The following CCDC88A variants were observed in gnomAD, a reference collection of about 807,000 sequenced individuals.
CCDC88A encodes the protein coiled-coil and HOOK domain protein 88A.
Under a neutral mutation model 234.3 loss-of-function variants are expected in CCDC88A, and 54 were observed. That is an observed-to-expected ratio of 0.23 (90% CI 0.19 to 0.29). The LOEUF is 0.29. CCDC88A is among the 10% of genes least tolerant of loss of function. The pLI, the probability that CCDC88A is intolerant of heterozygous loss-of-function variation, is 1.00. For synonymous variants in CCDC88A, 753 were observed against 737.8 expected (o/e 1.02, Z -0.33); for missense variants, 1,832 against 2,123.4 (o/e 0.86, Z 2.70).
intron 6 of CCDC88A, chr2:55,363,607 C>G (rs1050451233): frequency 1.1e-5 from 2 of 174,048 alleles, no homozygotes; most frequent in Non-Finnish European, 2.4e-5. Flanking sequence ...AGCTTGTCAT[C>G]TTACCTCACT....
At chr2:55,318,805 G>A (rs529971860) in intron 19 of CCDC88A, 38 bp downstream of exon 19, 2 of 1,476,560 alleles carry the variant, frequency 1.4e-6, no homozygotes, top group East Asian at 2.3e-5. Flanking sequence ...CATAATTCAA[G>A]AGTTTGGTTG....
intron 21 of CCDC88A, among the ~76,000 whole-genome samples, chr2:55,316,502 G>C (rs1034531410): frequency 2.0e-5 from 3 of 152,090 alleles, no homozygotes; most frequent in African/African-American, 7.2e-5. Context: ...GATCACTTGA[G>C]GCCAGGAGTT....
chr2:55,335,951 G>A lies in CCDC88A; in HGVS notation c.1656+730C>T, dbSNP rs529360387. Among the ~76,000 whole-genome samples the A allele has an allele frequency of 1.2e-4, 18 of 151,976 alleles. No individual in the cohort carries two copies. The highest frequency in any genetic ancestry group is 1.8e-4 in the Non-Finnish European group (12 of 67,988). On this transcript the variant is annotated intron_variant, in intron 14 of 32. Coordinates refer to ENST00000436346, the MANE Select transcript of CCDC88A (RefSeq NM_001365480.1). The surrounding 1 kb of genome is among the most constrained non-coding windows in gnomAD (Gnocchi z 4.5). The stretch of plus-strand genomic sequence containing the variant: ...CTGGCACCTATAATCCTAGCACTTC[G>A]GGAGGCTGAGGCAGGAATATCACTT...
intron 3 of CCDC88A, among the ~76,000 whole-genome samples, chr2:55,383,081 A>T (rs1264679230): frequency 6.6e-6 from 1 of 152,018 alleles, no homozygotes; most frequent in South Asian, 2.1e-4. Context: ...ATGAAAAAAA[A>T]AAAAAACAAA....
chr2:55,316,169 A>G (rs1177768894), intron 21 of CCDC88A, 55 bp from the exon 22 acceptor site: 1 of 681,828 alleles, frequency 1.5e-6, no homozygotes, highest in Admixed American at 3.7e-5. Context: ...CTTTTGGTGT[A>G]ATTTATACAA....
chr2:55,302,466 T>C (rs1004434382), intron 26 of CCDC88A, among the ~76,000 whole-genome samples: 1 of 152,120 alleles, frequency 6.6e-6, no homozygotes, highest in Admixed American at 6.6e-5. Flanking sequence ...TTATTGAAAA[T>C]GAAAGTCCTT....
At position 55,310,584 on chromosome 2, in the gene CCDC88A, A is replaced by G. The variant is rs76641927; in HGVS notation, c.4080-1330T>C. Among the ~76,000 whole-genome samples the G allele has an allele frequency of 5.9e-4, 90 of 152,286 alleles. 1 individual carries two copies. The East Asian group carries it at 0.017, about 28-fold the overall frequency. On this transcript the variant is annotated intron_variant, in intron 23 of 32. Coordinates refer to ENST00000436346, the MANE Select transcript of CCDC88A (RefSeq NM_001365480.1). ...TGACAGAGCAAGACTGAAAAGAAAA[A>G]AAAAAAAGATTGGAGATAAGAAAAC...
intron 8 of CCDC88A, among the ~76,000 whole-genome samples, chr2:55,351,570 T>C (rs1669890810): frequency 6.6e-6 from 1 of 152,172 alleles, no homozygotes; most frequent in African/African-American, 2.4e-5. Context: ...GGTCTCAAAC[T>C]CCTGAGCTCA....
chr2:55,304,904 T>A (rs1574028403), intron 25 of CCDC88A, among the ~76,000 whole-genome samples: 2 of 152,368 alleles, frequency 1.3e-5, no homozygotes, highest in East Asian at 3.8e-4. Context: ...GCTGTCATCG[T>A]GTAAATAATC....
intron 23 of CCDC88A, among the ~76,000 whole-genome samples, chr2:55,310,112 A>G (rs1682155160): frequency 6.6e-6 from 1 of 152,246 alleles, no homozygotes; most frequent in Non-Finnish European, 1.5e-5. Flanking sequence ...AAGTTAAAAA[A>G]TGCTAAGTTA....
At chr2:55,347,160 T>G (rs1040059046) in intron 9 of CCDC88A, among the ~76,000 whole-genome samples, 2 of 152,214 alleles carry the variant, frequency 1.3e-5, no homozygotes, top group African/African-American at 4.8e-5. Context: ...TGCTGACATT[T>G]TTTTAATGCT....
At chr2:55,355,530 A>C in intron 8 of CCDC88A, 49 bp downstream of exon 8, 1 of 1,467,840 alleles carries the variant, frequency 6.8e-7, no homozygotes. Context: ...TGTTTAGGTC[A>C]CCTTTGGGAC....
chr2:55,310,688 A>G (rs1682238888), intron 23 of CCDC88A, among the ~76,000 whole-genome samples: 1 of 152,186 alleles, frequency 6.6e-6, no homozygotes, highest in African/African-American at 2.4e-5. Context: ...AACTAACTTG[A>G]GAGATTCTGT....
chr2:55,377,962 T>C (rs1673977581), intron 3 of CCDC88A, among the ~76,000 whole-genome samples: 1 of 152,210 alleles, frequency 6.6e-6, no homozygotes, highest in South Asian at 2.1e-4. Context: ...ATCTTAAAGA[T>C]GTTAGAGATA....
At chr2:55,413,899 C>T (rs1017383438) in intron 2 of CCDC88A, among the ~76,000 whole-genome samples, 1 of 151,648 alleles carries the variant, frequency 6.6e-6, no homozygotes, top group African/African-American at 2.4e-5. Flanking sequence ...CTGCAGTGAG[C>T]GGTGATCATG....
intron 25 of CCDC88A, among the ~76,000 whole-genome samples, chr2:55,303,947 C>G (rs1681213397): frequency 6.6e-6 from 1 of 152,122 alleles, no homozygotes; most frequent in Non-Finnish European, 1.5e-5. Flanking sequence ...GCACATTCCA[C>G]CACAGTATTT....
chr2:55,412,728 T>C (rs1375913628), intron 2 of CCDC88A, among the ~76,000 whole-genome samples: 1 of 152,228 alleles, frequency 6.6e-6, no homozygotes, highest in Non-Finnish European at 1.5e-5. Flanking sequence ...ATGATAATAA[T>C]ATAAATAAAA....
At chr2:55,345,029 G>C (rs1311780590) in intron 10 of CCDC88A, among the ~76,000 whole-genome samples, 1 of 152,062 alleles carries the variant, frequency 6.6e-6, no homozygotes, top group Non-Finnish European at 1.5e-5. Flanking sequence ...ATCCTTAAAA[G>C]TCCCTGCATA....
intron 2 of CCDC88A, among the ~76,000 whole-genome samples, chr2:55,407,460 C>G (rs951448467): frequency 1.3e-5 from 2 of 151,380 alleles, no homozygotes; most frequent in Admixed American, 6.6e-5. Flanking sequence ...CAAAAATTAG[C>G]CAGGCATGGT....
Sources: allele counts gnomAD v4.1 joint callset (sites outside exome capture counted in the v4.1 genomes callset), GRCh38; gene constraint gnomAD v4.1.1; non-coding constraint Gnocchi (gnomAD v3.1); transcripts MANE v1.5; gene names NCBI Gene and HGNC (gene_info 2026-07-23, HGNC 2026-07-21).